Variants in NPPC observed in about 807,000 individuals in gnomAD.
NPPC encodes the protein natriuretic peptide C.
Under a neutral mutation model 10.2 loss-of-function variants are expected in NPPC, and 4 were observed. The ratio of observed to expected loss-of-function variants is 0.39; its 90% confidence interval spans 0.19 to 0.90. NPPC has a LOEUF of 0.90. Among genes scored for constraint, NPPC ranks in the 40% least tolerant of loss-of-function variants. The pLI is 0.37. For missense variants in NPPC, 182 were observed against 173.8 expected, an observed-to-expected ratio of 1.05 and a Z score of -0.26; for synonymous variants, 83 against 87.3, an observed-to-expected ratio of 0.95 and a Z score of 0.27.
intron 2 of NPPC, among the ~76,000 whole-genome samples, chr2:231,924,473 C>T (rs1691971757): frequency 6.6e-6 from 1 of 152,168 alleles, no homozygotes; most frequent in Non-Finnish European, 1.5e-5. Context: ...GAGCTGGAGG[C>T]AAGAAAGCGA....
At position 231,925,699 on chromosome 2, in the gene NPPC, G is replaced by C. The variant is rs747559000; in HGVS notation, c.107C>G (p.Pro36Arg). The C allele has an allele frequency of 4.4e-6, 7 of 1,575,936 alleles. No individual in the cohort carries two copies. The highest frequency in any genetic ancestry group is 1.2e-5 in the South Asian group (1 of 86,800). ...CTGCGGCTCGGCCAGCTCCTCTGCC[G>C]GCGGGGTTCGCGGGACCTGTCCGAG... ...GAPPKVPRTP[P>R]AEELAEPQAA... The change falls in exon 2 of 3, where the codon CCG (proline) becomes CGG (arginine). Residue 36 changes from proline to arginine, a missense_variant. Pro to Arg is a moderately radical substitution (Grantham distance 103, BLOSUM62 -2). Transcript: ENST00000409852.
intron 2 of NPPC, among the ~76,000 whole-genome samples, chr2:231,922,786 T>C (rs1691947778): frequency 6.6e-6 from 1 of 152,226 alleles, no homozygotes; most frequent in Admixed American, 6.5e-5. Context: ...GGTCCCTGGA[T>C]GACCCTGGAT....
chr2:231,922,498 C>A (rs1297621408), intron 2 of NPPC, among the ~76,000 whole-genome samples, 183 bp from the exon 3 acceptor site: 1 of 150,624 alleles, frequency 6.6e-6, no homozygotes, highest in Non-Finnish European at 1.5e-5. Context: ...ATTGCGCACT[C>A]CCCAGGCCCC....
intron 1 of NPPC, 29 bp from the exon 2 acceptor site, chr2:231,925,744 G>C (rs1327457711): frequency 6.6e-7 from 1 of 1,504,038 alleles, no homozygotes; most frequent in Admixed American, 2.0e-5. Context: ...GGCAGGTGAA[G>C]GGACACGCGG....
chr2:231,926,030 C>G (rs916136807), intron 1 of NPPC, 130 bp downstream of exon 1: 103 of 763,694 alleles, frequency 1.3e-4, no homozygotes, highest in Non-Finnish European at 1.7e-4. Flanking sequence ...CTCCCCGGCT[C>G]TCGCCCACGC....
chr2:231,925,710 C>A lies in NPPC; in HGVS notation c.96G>T (p.Pro32=), dbSNP rs770248918. 1.3e-4 allele frequency: 200 copies of A among 1,562,664 alleles called. No individual in the cohort carries two copies. Among genetic ancestry groups the A allele is most frequent in the Admixed American group, 2.3e-4 (13 of 56,004 alleles). The part of the protein sequence containing the change: ...EAKPGAPPKV[P]RTPPAEELAE... ...CCAGCTCCTCTGCCGGCGGGGTTCG[C>A]GGGACCTGTCCGAGGAAAGAGCGGG... is the stretch of plus-strand genomic sequence containing the variant. The change falls in exon 2 of 3, where the codon CCG becomes CCT. Residue 32 remains proline (P), a synonymous_variant. Coordinates refer to ENST00000409852, the MANE Select transcript of NPPC (RefSeq NM_024409.4).
chr2:231,924,682 G>T (rs909253706), intron 2 of NPPC, among the ~76,000 whole-genome samples: 1 of 152,192 alleles, frequency 6.6e-6, no homozygotes, highest in Non-Finnish European at 1.5e-5. Context: ...CCTAGTGCGG[G>T]GTGAGACCCC....
chr2:231,922,581 A>G (rs1691944343), intron 2 of NPPC, among the ~76,000 whole-genome samples: 1 of 152,202 alleles, frequency 6.6e-6, no homozygotes, highest in African/African-American at 2.4e-5. Flanking sequence ...GTCTAACCAC[A>G]GGCCTTGCCC....
In NPPC at chr2:231,925,580, G is replaced by T. The variant is rs567706152; in HGVS notation, c.226C>A (p.Arg76Ser). ...GCTGCCCGCGACTTGGTGTCCACGC[G>T]CAGGTCCCGGAGCAGTCGCGACCGG... Reference protein sequence around the residue: ...GDRSRLLRDLRVDTKSRAAWA... With the variant: ...GDRSRLLRDLSVDTKSRAAWA... Residue 76 changes from arginine to serine, a missense_variant, in exon 2 of 3, where the codon CGC (arginine) becomes AGC (serine). By Grantham distance (110) the Arg-to-Ser change is moderately radical. Transcript: ENST00000409852. 4.1e-5 allele frequency: 66 copies of T among 1,612,214 alleles called. No individual in the cohort carries two copies. In the South Asian group the frequency reaches 4.3e-4, roughly 10 times the overall value.
chr2:231,925,374 T>A, intron 2 of NPPC, 31 bp downstream of exon 2: 1 of 1,496,976 alleles, frequency 6.7e-7, no homozygotes. Flanking sequence ...CGGGCCGGGC[T>A]GGGGCTGGGC....
chr2:231,925,761 C>T (rs755935329), intron 1 of NPPC, 46 bp from the exon 2 acceptor site: 2 of 1,471,162 alleles, frequency 1.4e-6, no homozygotes, highest in Middle Eastern at 2.5e-4. Context: ...GCGGCTGCAG[C>T]ACGGGGGACT....
rs528895373 is a variant in NPPC at position 231,921,849 on chromosome 2, T to G, written c.*487A>C. The G allele has an allele frequency of 3.3e-5, 5 of 149,672 alleles. No homozygotes were observed. The highest frequency in any genetic ancestry group is 1.0e-4 in the African/African-American group (4 of 39,326). 9.3% of individuals were successfully genotyped at this position (149,672 alleles called of 1,614,324 possible). On this transcript the variant is annotated 3_prime_UTR_variant, in exon 3 of 3. Coordinates refer to ENST00000409852, the MANE Select transcript of NPPC (RefSeq NM_024409.4). ...TGGAATGACTTTTTTTTTTTTACAT[T>G]TTTTTTAACTAGTTAGGACAAAAAC...
At position 231,926,278 on chromosome 2, in the gene NPPC, G is replaced by T; in HGVS notation, c.-29C>A. 2 of 1,271,234 alleles carry T rather than the reference G, an allele frequency of 1.6e-6. No homozygotes were observed. Among genetic ancestry groups the T allele is most frequent in the South Asian group, 2.9e-5 (1 of 34,294 alleles). The allele number at this position is 1,271,234 out of a possible 1,614,324, so 78.7% of individuals were successfully genotyped here. ...GCCGCTGGGGTCGAGGGGCGCACAC[G>T]GGCGGCAGCGAGGGCGCGCAGGTCG... is the stretch of plus-strand genomic sequence containing the variant. On this transcript the variant is annotated 5_prime_UTR_variant, in exon 1 of 3. Transcript: ENST00000409852.
chr2:231,926,296 G>A lies in NPPC; in HGVS notation c.-47C>T, dbSNP rs1461771846. The A allele has an allele frequency of 1.6e-6, 2 of 1,225,156 alleles. No individual in the cohort carries two copies. Among genetic ancestry groups the A allele is most frequent in the Non-Finnish European group, 2.1e-6 (2 of 968,656 alleles). The allele number at this position is 1,225,156 out of a possible 1,614,324, so 75.9% of individuals were successfully genotyped here. On this transcript the variant is annotated 5_prime_UTR_variant, in exon 1 of 3. Coordinates refer to ENST00000409852, the MANE Select transcript of NPPC (RefSeq NM_024409.4). ...CGCACACGGGCGGCAGCGAGGGCGC[G>A]CAGGTCGGCGGGCAGACCAGCAGGG...
chr2:231,923,073 G>T (rs1442029484), intron 2 of NPPC, among the ~76,000 whole-genome samples: 2 of 152,228 alleles, frequency 1.3e-5, no homozygotes, highest in Admixed American at 1.3e-4. Flanking sequence ...TAATGGGTGT[G>T]TGGGTGCCCC....
chr2:231,926,099 T>TCTC, intron 1 of NPPC, 61 bp downstream of exon 1: 12 of 1,178,558 alleles, frequency 1.0e-5, no homozygotes, highest in Non-Finnish European at 1.3e-5. Flanking sequence ...CGCGCCGCAT[T>TCTC]CTCCAAGCCC....
chr2:231,924,861 G>A (rs1208614484), intron 2 of NPPC, among the ~76,000 whole-genome samples: 3 of 152,194 alleles, frequency 2.0e-5, no homozygotes, highest in Admixed American at 6.5e-5. Flanking sequence ...CCACCAGGCT[G>A]CAGCTGCCTC....
rs374286826 is a variant in NPPC at position 231,925,504 on chromosome 2, G to T, written c.302C>A (p.Ala101Asp). 23 of 1,612,954 alleles carry T rather than the reference G, an allele frequency of 1.4e-5. No individual in the cohort carries two copies. The East Asian group carries it at 3.8e-4, about 27-fold the overall frequency. Residue 101 changes from alanine to aspartate, a missense_variant, in exon 2 of 3, where the codon GCC (alanine) becomes GAC (aspartate). Transcript: ENST00000409852. ...EHPNARKYKG[A>D]NKKGLSKGCF... ...GCCCTTGGACAAGCCCTTCTTGTTG[G>T]CTCCTTTGTATTTGCGCGCGTTGGG...
chr2:231,926,278 G>A lies in NPPC; in HGVS notation c.-29C>T. ...GCCGCTGGGGTCGAGGGGCGCACAC[G>A]GGCGGCAGCGAGGGCGCGCAGGTCG... On this transcript the variant is annotated 5_prime_UTR_variant, in exon 1 of 3. Coordinates refer to ENST00000409852, the MANE Select transcript of NPPC (RefSeq NM_024409.4). The A allele has an allele frequency of 7.9e-7, 1 of 1,271,236 alleles. No homozygotes were observed. Among genetic ancestry groups the A allele is most frequent in the Non-Finnish European group, 9.9e-7 (1 of 1,005,986 alleles). The allele number at this position is 1,271,236 out of a possible 1,614,324, so 78.7% of individuals were successfully genotyped here.
Sources: allele counts gnomAD v4.1 joint callset (sites outside exome capture counted in the v4.1 genomes callset), GRCh38; gene constraint gnomAD v4.1.1; transcripts MANE v1.5; gene names NCBI Gene and HGNC (gene_info 2026-07-23, HGNC 2026-07-21).